Variants in FRMD4A observed in about 807,000 individuals in gnomAD.
FRMD4A encodes FERM domain containing 4A.
FRMD4A carries 29 observed loss-of-function variants against 129.1 expected under a neutral mutation model. The ratio of observed to expected loss-of-function variants is 0.22; its 90% CI spans 0.17 to 0.31. The LOEUF (loss-of-function observed/expected upper bound fraction) is 0.31, where lower values mean the gene tolerates loss of function less well. Ranked by LOEUF, FRMD4A falls within the 10% of genes least tolerant of loss-of-function variation. FRMD4A has a pLI of 1.00. For missense variants in FRMD4A, 1,272 were observed against 1,375.8 expected (o/e 0.92, Z 1.19); for synonymous variants, 634 against 571.6 (o/e 1.11, Z -1.56).
At chr10:13,978,185 G>C (rs1245185557) in intron 2 of FRMD4A, among the ~76,000 whole-genome samples, 1 of 152,204 alleles carries the variant, frequency 6.6e-6, no homozygotes, top group African/African-American at 2.4e-5. Flanking sequence ...CTAGTGTTAA[G>C]TGGTGGTGTT....
In FRMD4A at chr10:14,330,840, A is replaced by T. The variant is rs1831132284; in HGVS notation, c.-325T>A. On this transcript the variant is annotated 5_prime_UTR_variant, in exon 1 of 25. Transcript: ENST00000357447. ...GCTCAGCTCCCGGTAGGGCTAACATACTTAAGAGGAACATGGAATTGCACT... is the reference window on the plus strand; with the variant it reads ...GCTCAGCTCCCGGTAGGGCTAACATTCTTAAGAGGAACATGGAATTGCACT... The T allele has an allele frequency of 2.5e-6, 1 of 398,590 alleles. No individual in the cohort carries two copies. The highest frequency in any genetic ancestry group is 4.4e-6 in the Non-Finnish European group (1 of 226,158). 24.7% of individuals were successfully genotyped at this position (398,590 alleles called of 1,614,324 possible).
intron 2 of FRMD4A, among the ~76,000 whole-genome samples, chr10:14,243,451 G>C (rs1214995155): frequency 6.6e-6 from 1 of 152,110 alleles, no homozygotes. Flanking sequence ...CCAGTCATGC[G>C]GAACTGTGAG....
At chr10:13,724,790 C>G (rs1327340413) in intron 12 of FRMD4A, among the ~76,000 whole-genome samples, 3 of 152,226 alleles carry the variant, frequency 2.0e-5, no homozygotes, top group Non-Finnish European at 4.4e-5. Context: ...TATGGCCTTT[C>G]TCAGTGCTGG....
chr10:13,790,128 T>C (rs550551426), intron 5 of FRMD4A, among the ~76,000 whole-genome samples: 96 of 151,680 alleles, frequency 6.3e-4, no homozygotes, highest in Non-Finnish European at 1.3e-3. Flanking sequence ...CAGCGAGTAG[T>C]GACTGAGGGA....
At chr10:13,718,473 C>A (rs2089089181) in intron 12 of FRMD4A, among the ~76,000 whole-genome samples, 1 of 152,254 alleles carries the variant, frequency 6.6e-6, no homozygotes, top group Non-Finnish European at 1.5e-5. Context: ...ACGGTCTCTG[C>A]AGCTGGGGCC....
chr10:13,675,016 C>G lies in FRMD4A; in HGVS notation c.1146G>C (p.Ser382=), dbSNP rs148902459. 1 of 1,613,644 alleles carries G rather than the reference C, an allele frequency of 6.2e-7. No homozygotes were observed. The highest frequency in any genetic ancestry group is 2.2e-5 in the East Asian group (1 of 44,884). The change falls in exon 16 of 25, where the codon TCG becomes TCC. Residue 382 remains serine (S), a synonymous_variant. Coordinates refer to ENST00000357447, the MANE Select transcript of FRMD4A (RefSeq NM_018027.5). ...SGSQESDSSQ[S]AKKDMLAALK... The stretch of plus-strand genomic sequence containing the variant: ...AGGCAGCCAGCATGTCCTTCTTGGC[C>G]GACTGCGAGCTATCTGATTCCTGAG...
chr10:14,305,225 T>C (rs1215460094), intron 2 of FRMD4A, among the ~76,000 whole-genome samples: 1 of 152,212 alleles, frequency 6.6e-6, no homozygotes, highest in Non-Finnish European at 1.5e-5. Flanking sequence ...CTGTGCTTTT[T>C]CCTTGAGCTA....
intron 2 of FRMD4A, among the ~76,000 whole-genome samples, chr10:13,980,009 C>T (rs956362064): frequency 5.3e-5 from 8 of 152,188 alleles, no homozygotes; most frequent in African/African-American, 1.9e-4. Context: ...CTCACCACGG[C>T]ATTCACAATG....
At chr10:14,067,272 T>C (rs1010771214) in intron 2 of FRMD4A, among the ~76,000 whole-genome samples, 1 of 151,882 alleles carries the variant, frequency 6.6e-6, no homozygotes, top group African/African-American at 2.4e-5. Flanking sequence ...GCCGAGACCA[T>C]GCCATTGCAC....
At chr10:14,127,573 C>T (rs1564318440) in intron 2 of FRMD4A, among the ~76,000 whole-genome samples, 1 of 152,110 alleles carries the variant, frequency 6.6e-6, no homozygotes, top group Non-Finnish European at 1.5e-5. Context: ...CTCTGTGCCT[C>T]AGTTTTCCCA....
At chr10:13,749,478 T>C (rs78673352) in intron 8 of FRMD4A, among the ~76,000 whole-genome samples, 2,348 of 152,264 alleles carry the variant, frequency 0.015, 86 homozygotes, top group South Asian at 0.12. Context: ...CTCCAGCACC[T>C]ATGCTGCTAA....
intron 2 of FRMD4A, among the ~76,000 whole-genome samples, chr10:13,971,119 C>T (rs2095515332): frequency 6.6e-6 from 1 of 152,216 alleles, no homozygotes; most frequent in South Asian, 2.1e-4. Flanking sequence ...TGCACACATG[C>T]ACACACGCAC....
At chr10:13,867,905 TATATA>T (rs1012612736) in intron 2 of FRMD4A, among the ~76,000 whole-genome samples, 56 of 141,880 alleles carry the variant, frequency 3.9e-4, no homozygotes, top group Admixed American at 7.4e-5. Flanking sequence ...ATAAATAATA[TATATA>T]ATATAATATA....
At chr10:13,993,927 G>GT (rs1201408124) in intron 2 of FRMD4A, among the ~76,000 whole-genome samples, 6 of 151,032 alleles carry the variant, frequency 4.0e-5, no homozygotes, top group African/African-American at 9.7e-5. Flanking sequence ...TTTAAGATTA[G>GT]TTTTTTTTGT....
intron 3 of FRMD4A, among the ~76,000 whole-genome samples, chr10:13,849,446 G>A (rs932774354): frequency 6.6e-6 from 1 of 151,718 alleles, no homozygotes; most frequent in Non-Finnish European, 1.5e-5. Flanking sequence ...CTTTGGGGGG[G>A]ATTCCTGCTT....
chr10:13,743,304 A>G (rs575930417), intron 9 of FRMD4A, among the ~76,000 whole-genome samples: 1 of 152,296 alleles, frequency 6.6e-6, no homozygotes, highest in African/African-American at 2.4e-5. Context: ...GAACTGCGTC[A>G]GGAGGTTCAG....
At chr10:13,738,974 T>C (rs190393700) in intron 11 of FRMD4A, among the ~76,000 whole-genome samples, 5 of 152,256 alleles carry the variant, frequency 3.3e-5, no homozygotes, top group African/African-American at 1.2e-4. Flanking sequence ...TGCAATTCTA[T>C]ATTCAAATAG....
At chr10:14,145,934 G>A (rs777212057) in intron 2 of FRMD4A, among the ~76,000 whole-genome samples, 8 of 152,150 alleles carry the variant, frequency 5.3e-5, no homozygotes, top group Non-Finnish European at 8.8e-5. Context: ...TAGGACCAGC[G>A]GATCACAGGC....
chr10:13,769,835 C>A (rs1396213921), intron 6 of FRMD4A, among the ~76,000 whole-genome samples: 1 of 152,036 alleles, frequency 6.6e-6, no homozygotes, highest in Non-Finnish European at 1.5e-5. Context: ...GCTGGGACAT[C>A]ACATTTCATC....
Sources: gnomAD v4.1 joint callset for allele counts (sites outside exome capture counted in the v4.1 genomes callset) on GRCh38, gnomAD v4.1.1 for gene constraint, MANE v1.5 for transcripts, NCBI Gene and HGNC (gene_info 2026-07-23, HGNC 2026-07-21) for gene names.